The following SH3RF3 variants were observed in gnomAD, a reference collection of about 807,000 sequenced individuals.
SH3RF3 encodes SH3 domain containing ring finger 3, also known as E3 ubiquitin-protein ligase SH3RF3.
Under a neutral mutation model 66.3 loss-of-function variants are expected in SH3RF3, and 29 were observed. The observed-to-expected ratio is 0.44, with a 90% CI of 0.33 to 0.60. The LOEUF is 0.60. Ranked by LOEUF, SH3RF3 falls within the 20% of genes least tolerant of loss-of-function variation. The pLI, the probability that SH3RF3 is intolerant of heterozygous loss-of-function variation, is 0.04. For synonymous variants in SH3RF3, 583 were observed against 532.0 expected, an observed-to-expected ratio of 1.10 and a Z score of -1.32; for missense variants, 1,194 against 1,190.9, an observed-to-expected ratio of 1.00 and a Z score of -0.04.
intron 1 of SH3RF3, among the ~76,000 whole-genome samples, chr2:109,320,705 T>A (rs1044195633): frequency 2.0e-5 from 3 of 152,220 alleles, no homozygotes; most frequent in Non-Finnish European, 4.4e-5. Flanking sequence ...TCTGTAAAGA[T>A]ATCAGCCCCG....
chr2:109,322,551 G>A (rs1311823007), intron 1 of SH3RF3, among the ~76,000 whole-genome samples: 1 of 152,220 alleles, frequency 6.6e-6, no homozygotes, highest in Non-Finnish European at 1.5e-5. Context: ...CTGTGTAATA[G>A]TGTGCACTGA....
At chr2:109,219,058 C>T (rs1679166784) in intron 1 of SH3RF3, among the ~76,000 whole-genome samples, 1 of 152,110 alleles carries the variant, frequency 6.6e-6, no homozygotes, top group African/African-American at 2.4e-5. Flanking sequence ...CCTCATTTAG[C>T]TGACCTTAAT....
At chr2:109,412,987 C>T (rs1160398319) in intron 4 of SH3RF3, among the ~76,000 whole-genome samples, 1 of 152,216 alleles carries the variant, frequency 6.6e-6, no homozygotes, top group East Asian at 1.9e-4. Flanking sequence ...GTGGGGCATT[C>T]TGTGTCCTTG....
chr2:109,163,727 C>T (rs554417817), intron 1 of SH3RF3, among the ~76,000 whole-genome samples: 1 of 152,268 alleles, frequency 6.6e-6, no homozygotes, highest in East Asian at 1.9e-4. Context: ...GGAGACTTCA[C>T]GATTCCACAG....
At chr2:109,411,041 C>T (rs1262613280) in intron 4 of SH3RF3, among the ~76,000 whole-genome samples, 1 of 152,206 alleles carries the variant, frequency 6.6e-6, no homozygotes, top group African/African-American at 2.4e-5. Flanking sequence ...CATTAAAAAT[C>T]AAAGCAGCAT....
intron 1 of SH3RF3, among the ~76,000 whole-genome samples, chr2:109,310,338 A>G (rs1390272263): frequency 2.2e-5 from 1 of 44,496 alleles, no homozygotes; most frequent in Non-Finnish European, 3.7e-5. Flanking sequence ...ACACATTCAA[A>G]GCAGTGTGTA....
At chr2:109,131,981 A>G (rs1676708407) in intron 1 of SH3RF3, among the ~76,000 whole-genome samples, 1 of 152,172 alleles carries the variant, frequency 6.6e-6, no homozygotes, top group South Asian at 2.1e-4. Flanking sequence ...CGGGAGTGGG[A>G]AGGATTGTAA....
chr2:109,359,308 G>T (rs954530329), intron 2 of SH3RF3, among the ~76,000 whole-genome samples: 1 of 152,196 alleles, frequency 6.6e-6, no homozygotes, highest in Non-Finnish European at 1.5e-5. Context: ...ATTCACAAAA[G>T]AACTTGCTGA....
At chr2:109,445,750 T>G (rs1677685385) in intron 7 of SH3RF3, among the ~76,000 whole-genome samples, 1 of 150,276 alleles carries the variant, frequency 6.7e-6, no homozygotes, top group Admixed American at 6.6e-5. Context: ...TGTGGGGAAG[T>G]AGAGAGGGGG....
chr2:109,450,545 G>T (rs1001797636), intron 8 of SH3RF3, among the ~76,000 whole-genome samples: 5 of 152,104 alleles, frequency 3.3e-5, no homozygotes, highest in African/African-American at 1.2e-4. Context: ...TAATTTTAAA[G>T]TAAATTTAAA....
At chr2:109,349,855 C>A (rs1335085175) in intron 2 of SH3RF3, among the ~76,000 whole-genome samples, 1 of 152,252 alleles carries the variant, frequency 6.6e-6, no homozygotes, top group Non-Finnish European at 1.5e-5. Flanking sequence ...GGATGTGCAA[C>A]CCCAGGCTGA....
intron 4 of SH3RF3, among the ~76,000 whole-genome samples, chr2:109,400,251 A>G (rs1057194595): frequency 6.6e-6 from 1 of 151,236 alleles, no homozygotes; most frequent in African/African-American, 2.4e-5. Context: ...TTACATGGAC[A>G]CTTGAGCACA....
Position 109,398,709 on chromosome 2 carries a change from C to T in SH3RF3, c.1065C>T (p.Pro355=), listed in dbSNP as rs1390531621. ...SGAVASVAPS[P]TLSSSGAVSA... is the part of the protein sequence containing the mutation. ...CTGTGGCCAGCGTGGCCCCAAGTCC[C>T]ACTTTAAGCAGCTCAGGGGCGGTCA... Residue 355 remains proline (P), a synonymous_variant, in exon 4 of 10, where the codon CCC becomes CCT. Transcript: ENST00000309415. The T allele has an allele frequency of 6.2e-7, 1 of 1,612,524 alleles. No homozygotes were observed. The highest frequency in any genetic ancestry group is 1.3e-5 in the African/African-American group (1 of 74,910).
intron 6 of SH3RF3, among the ~76,000 whole-genome samples, chr2:109,435,151 C>T (rs912348834): frequency 6.6e-6 from 1 of 152,196 alleles, no homozygotes; most frequent in South Asian, 2.1e-4. Flanking sequence ...GTGTCCTCTC[C>T]GGTTCCTTAG....
At chr2:109,159,964 A>G (rs1677447509) in intron 1 of SH3RF3, among the ~76,000 whole-genome samples, 1 of 152,238 alleles carries the variant, frequency 6.6e-6, no homozygotes, top group African/African-American at 2.4e-5. Context: ...TGTAATAATA[A>G]TAGAAATAAA....
intron 5 of SH3RF3, among the ~76,000 whole-genome samples, chr2:109,424,582 C>T (rs936825222): frequency 3.3e-5 from 5 of 152,158 alleles, no homozygotes; most frequent in Non-Finnish European, 5.9e-5. Flanking sequence ...TGTCACATTT[C>T]GGTAATTCTT....
intron 1 of SH3RF3, among the ~76,000 whole-genome samples, chr2:109,320,683 T>C (rs1420143931): frequency 6.6e-6 from 1 of 152,238 alleles, no homozygotes; most frequent in Non-Finnish European, 1.5e-5. Context: ...GTAAAATTAC[T>C]GGCATTCCTC....
At chr2:109,360,811 C>G (rs1384678824) in intron 2 of SH3RF3, among the ~76,000 whole-genome samples, 1 of 152,116 alleles carries the variant, frequency 6.6e-6, no homozygotes, top group Non-Finnish European at 1.5e-5. Flanking sequence ...CTTTTAATTT[C>G]CTTTTCTTGT....
intron 1 of SH3RF3, among the ~76,000 whole-genome samples, chr2:109,296,547 A>T (rs1681313238): frequency 6.6e-6 from 1 of 152,116 alleles, no homozygotes; most frequent in Non-Finnish European, 1.5e-5. Flanking sequence ...CAGCCTTCAG[A>T]ATGACCTTTT....
Sources: gnomAD v4.1 joint callset for allele counts (sites outside exome capture counted in the v4.1 genomes callset) on GRCh38, gnomAD v4.1.1 for gene constraint, MANE v1.5 for transcripts, NCBI Gene and HGNC (gene_info 2026-07-23, HGNC 2026-07-21) for gene names.